The following LIMD1 variants were observed in gnomAD, a reference collection of about 807,000 sequenced individuals.
The protein encoded by LIMD1 is LIM domain containing 1.
LIMD1 carries 23 observed loss-of-function variants against 58.4 expected under a neutral mutation model. That is an observed-to-expected ratio of 0.39 (90% confidence interval 0.28 to 0.56). The LOEUF (loss-of-function observed/expected upper bound fraction) is 0.56. Ranked by LOEUF, LIMD1 falls within the 20% of genes least tolerant of loss-of-function variation. The pLI is 0.57. For synonymous variants in LIMD1, 334 were observed against 345.5 expected, an observed-to-expected ratio of 0.97 and a Z score of 0.37; for missense variants, 838 against 855.5, an observed-to-expected ratio of 0.98 and a Z score of 0.25.
At chr3:45,600,079 C>A (rs1436039545) in intron 1 of LIMD1, among the ~76,000 whole-genome samples, 3 of 152,154 alleles carry the variant, frequency 2.0e-5, no homozygotes, top group African/African-American at 7.2e-5. Context: ...TCCCCTACAT[C>A]TGGTATTACT....
chr3:45,631,096 C>T (rs943929928), intron 1 of LIMD1, among the ~76,000 whole-genome samples: 4 of 151,984 alleles, frequency 2.6e-5, no homozygotes, highest in Non-Finnish European at 5.9e-5. Context: ...CCCAGCTACT[C>T]GGGAGGCTGA....
At position 45,594,835 on chromosome 3, in the gene LIMD1, ACACACACACG is replaced by A. The variant is rs1209846807; in HGVS notation, c.-44_-35del. The A allele has an allele frequency of 2.7e-5, 29 of 1,078,136 alleles. No homozygotes were observed. In the African/African-American group the frequency reaches 3.7e-4, roughly 14 times the overall value. The allele number at this position is 1,078,136 out of a possible 1,614,324, so 66.8% of individuals were successfully genotyped here. A position where few individuals can be genotyped will look rare whatever the true frequency, so the allele number is the denominator to read the frequency against. On this transcript the variant is annotated 5_prime_UTR_variant, in exon 1 of 8. Coordinates refer to ENST00000273317, the MANE Select transcript of LIMD1 (RefSeq NM_014240.3). The stretch of plus-strand genomic sequence containing the variant: ...CACACACACACACACACACACACAC[ACACACACACG>A]GCACCTGGGCTAGGCCCGGACACCT...
In LIMD1 at chr3:45,612,206, C is replaced by T. The variant is rs997362029; in HGVS notation, c.1408+15919C>T. On this transcript the variant is annotated intron_variant, in intron 1 of 7. Transcript: ENST00000273317. Reference sequence around the variant, plus strand: ...CTCAAGCAATCCTCCCATCCCAGCCCCCCGAATAACTGGAAACACAGGTAT... The same window carrying T: ...CTCAAGCAATCCTCCCATCCCAGCCTCCCGAATAACTGGAAACACAGGTAT... Among the ~76,000 whole-genome samples, 5 of 152,130 alleles carry T rather than the reference C, an allele frequency of 3.3e-5. 1 individual carries two copies. Among genetic ancestry groups the T allele is most frequent in the African/African-American group, 1.2e-4 (5 of 41,510 alleles).
chr3:45,602,354 C>T (rs1701423691), intron 1 of LIMD1, among the ~76,000 whole-genome samples: 1 of 152,090 alleles, frequency 6.6e-6, no homozygotes, highest in African/African-American at 2.4e-5. Context: ...CAGGAGAGAG[C>T]CACATTCTGC....
In LIMD1 at chr3:45,684,248, T is replaced by C. The variant is rs1470666699; in HGVS notation, c.*7189T>C. ...CTGCCACCACTTGGTCACATACATG[T>C]CCCTCCAACTAATCCTAGCTCTCAA... On this transcript the variant is annotated 3_prime_UTR_variant, in exon 8 of 8. Coordinates refer to ENST00000273317, the MANE Select transcript of LIMD1 (RefSeq NM_014240.3). 6.6e-6 allele frequency: 1 copy of C among 152,226 alleles called. No homozygotes were observed. The highest frequency in any genetic ancestry group is 2.4e-5 in the African/African-American group (1 of 41,442). 9.4% of individuals were successfully genotyped at this position (152,226 alleles called of 1,614,324 possible).
intron 1 of LIMD1, 102 bp from the exon 2 acceptor site, chr3:45,636,048 G>A: frequency 6.4e-7 from 1 of 1,569,718 alleles, no homozygotes. Flanking sequence ...TGGTGGGCTG[G>A]CCATGGGGAG....
chr3:45,617,464 T>C (rs1701586828), intron 1 of LIMD1, among the ~76,000 whole-genome samples: 1 of 152,180 alleles, frequency 6.6e-6, no homozygotes, highest in Non-Finnish European at 1.5e-5. Context: ...TTTTATCACA[T>C]GAACCCTGCC....
intron 2 of LIMD1, among the ~76,000 whole-genome samples, chr3:45,660,738 G>A (rs564767174): frequency 2.6e-5 from 4 of 152,070 alleles, no homozygotes; most frequent in Non-Finnish European, 5.9e-5. Flanking sequence ...TGTGTTCCTC[G>A]TCACCTTGTT....
intron 1 of LIMD1, among the ~76,000 whole-genome samples, chr3:45,633,716 T>C (rs1292939319): frequency 6.6e-6 from 1 of 152,202 alleles, no homozygotes; most frequent in Non-Finnish European, 1.5e-5. Context: ...CAATGGTCAA[T>C]GTCTTGTCTG....
chr3:45,613,775 G>A (rs1701551500), intron 1 of LIMD1, among the ~76,000 whole-genome samples: 1 of 151,950 alleles, frequency 6.6e-6, no homozygotes, highest in Non-Finnish European at 1.5e-5. Context: ...TGGAATTATA[G>A]GCATGAGCCA....
chr3:45,668,785 C>T (rs1387188079), intron 4 of LIMD1, among the ~76,000 whole-genome samples: 1 of 151,356 alleles, frequency 6.6e-6, no homozygotes, highest in Non-Finnish European at 1.5e-5. Flanking sequence ...TAAAGTACAG[C>T]TTGCTTGTTC....
chr3:45,659,176 T>C (rs1046408747), intron 2 of LIMD1, among the ~76,000 whole-genome samples: 2 of 152,246 alleles, frequency 1.3e-5, no homozygotes, highest in African/African-American at 4.8e-5. Context: ...AAAGTGATGT[T>C]TCACTGTTAT....
chr3:45,675,119 A>AATGGGT (rs1253477612), intron 7 of LIMD1, among the ~76,000 whole-genome samples: 2 of 152,176 alleles, frequency 1.3e-5, no homozygotes, highest in East Asian at 3.9e-4. Flanking sequence ...ACACTGAAGA[A>AATGGGT]ATGGGTGGGA....
At chr3:45,661,006 A>G (rs935284200) in intron 2 of LIMD1, among the ~76,000 whole-genome samples, 8 of 152,142 alleles carry the variant, frequency 5.3e-5, no homozygotes, top group African/African-American at 1.9e-4. Context: ...AGAGTCAGAA[A>G]ATACTGCGAA....
At position 45,663,207 on chromosome 3, in the gene LIMD1, C is replaced by T. The variant is rs1480791940; in HGVS notation, c.1511-2443C>T. ...CAGTTTCTTCGTCTATTTATCAATT[C>T]TCATATCTAGTGAACACTGAAGACG... On this transcript the variant is annotated intron_variant, in intron 2 of 7. Coordinates refer to ENST00000273317, the MANE Select transcript of LIMD1 (RefSeq NM_014240.3). Among the ~76,000 whole-genome samples the T allele has an allele frequency of 2.6e-5, 4 of 152,314 alleles. No individual in the cohort carries two copies. In the East Asian group the frequency reaches 7.7e-4, roughly 29 times the overall value.
At chr3:45,630,577 G>T (rs1355165044) in intron 1 of LIMD1, among the ~76,000 whole-genome samples, 2 of 152,180 alleles carry the variant, frequency 1.3e-5, no homozygotes, top group Admixed American at 1.3e-4. Context: ...AAAGATGGTC[G>T]TGTGTGCAAG....
chr3:45,670,226 A>G (rs1243182383), intron 4 of LIMD1, among the ~76,000 whole-genome samples: 6 of 152,168 alleles, frequency 3.9e-5, no homozygotes, highest in Admixed American at 1.3e-4. Flanking sequence ...CCTACTTCAT[A>G]TGAAGTCAAC....
chr3:45,639,645 G>A (rs114833494), intron 2 of LIMD1, among the ~76,000 whole-genome samples: 4,604 of 152,090 alleles, frequency 0.03, 75 homozygotes, highest in Non-Finnish European at 0.041. Flanking sequence ...CCCTAATCCC[G>A]TCACCTTGGA....
In LIMD1 at chr3:45,595,464, A is replaced by C. The variant is rs1316499978; in HGVS notation, c.585A>C (p.Gly195=). ...LASPKWGDKP[G]VSPSIGLSVG... ...GCCCAAAGTGGGGTGACAAACCAGG[A>C]GTGTCCCCCAGCATCGGCCTGAGTG... The change falls in exon 1 of 8, where the codon GGA becomes GGC. Residue 195 remains glycine (G), a synonymous_variant. Coordinates refer to ENST00000273317, the MANE Select transcript of LIMD1 (RefSeq NM_014240.3). 1.2e-6 allele frequency: 2 copies of C among 1,613,880 alleles called. No homozygotes were observed. Among genetic ancestry groups the C allele is most frequent in the Non-Finnish European group, 1.7e-6 (2 of 1,179,892 alleles).
Sources: allele counts gnomAD v4.1 joint callset (sites outside exome capture counted in the v4.1 genomes callset), GRCh38; gene constraint gnomAD v4.1.1; transcripts MANE v1.5; gene names NCBI Gene and HGNC (gene_info 2026-07-23, HGNC 2026-07-21).